HIRA: variants seen among roughly 807,000 people sequenced by gnomAD.
The protein encoded by HIRA is histone cell cycle regulator, also known as protein HIRA.
A neutral mutation model predicts 126.6 loss-of-function variants in HIRA; 13 were observed. The ratio of observed to expected loss-of-function variants is 0.10; its 90% CI spans 0.07 to 0.16. The LOEUF (loss-of-function observed/expected upper bound fraction) is 0.16, where lower values mean the gene tolerates loss of function less well. Among genes scored for constraint, HIRA ranks in the 10% least tolerant of loss-of-function variants. The pLI, the probability that HIRA is intolerant of heterozygous loss-of-function variation, is 1.00. For missense variants in HIRA, 834 were observed against 1,314.4 expected, an observed-to-expected ratio of 0.63 and a Z score of 5.65; for synonymous variants, 511 against 520.0, an observed-to-expected ratio of 0.98 and a Z score of 0.24.
intron 15 of HIRA, among the ~76,000 whole-genome samples, chr22:19,369,707 G>A (rs1332021862): frequency 1.3e-5 from 2 of 152,072 alleles, no homozygotes; most frequent in Non-Finnish European, 2.9e-5. Context: ...CGAGGTGGGC[G>A]CATCACTTGA....
At chr22:19,347,957 A>G (rs779302568) in intron 24 of HIRA, among the ~76,000 whole-genome samples, 41 of 152,058 alleles carry the variant, frequency 2.7e-4, no homozygotes, top group South Asian at 6.2e-4. Flanking sequence ...CAAACAAAAC[A>G]AACAAACAAC....
chr22:19,364,085 C>T (rs534714031), intron 15 of HIRA, among the ~76,000 whole-genome samples: 5 of 151,576 alleles, frequency 3.3e-5, no homozygotes, highest in Admixed American at 1.3e-4. Context: ...GTTGGGGAGG[C>T]GGGCATGTGG....
At chr22:19,393,184 T>A (rs1028931411) in intron 8 of HIRA, among the ~76,000 whole-genome samples, 1 of 152,146 alleles carries the variant, frequency 6.6e-6, no homozygotes, top group African/African-American at 2.4e-5. Flanking sequence ...GAGGACTGCA[T>A]GGGAGAATCA....
At chr22:19,401,505 T>C (rs1255821678) in intron 5 of HIRA, among the ~76,000 whole-genome samples, 10 of 152,134 alleles carry the variant, frequency 6.6e-5, no homozygotes. Flanking sequence ...GATTCATATT[T>C]CCAAATGTCT....
In HIRA at chr22:19,398,059, G is replaced by A. The variant is rs910152734; in HGVS notation, c.426C>T (p.His142=). The A allele has an allele frequency of 1.1e-5, 18 of 1,613,922 alleles. No individual in the cohort carries two copies. Among genetic ancestry groups the A allele is most frequent in the Middle Eastern group, 1.6e-4 (1 of 6,082 alleles). Reference sequence around the variant, plus strand: ...CGCTGCATGAGGCTAGCCAGGCATCGTGGGGAGACCATGCTACATCCATCA... The same window carrying A: ...CGCTGCATGAGGCTAGCCAGGCATCATGGGGAGACCATGCTACATCCATCA... ...GDVMDVAWSP[H]DAWLASCSVD... Residue 142 remains histidine (H), a synonymous_variant, in exon 6 of 25, where the codon CAC becomes CAT. Transcript: ENST00000263208.
chr22:19,377,262 G>C (rs2089028479), intron 14 of HIRA, among the ~76,000 whole-genome samples: 1 of 152,194 alleles, frequency 6.6e-6, no homozygotes. Flanking sequence ...TGAGGATGAG[G>C]ACCCACCCAT....
At chr22:19,417,057 A>C (rs1034975733) in intron 1 of HIRA, among the ~76,000 whole-genome samples, 32 of 151,120 alleles carry the variant, frequency 2.1e-4, no homozygotes, top group African/African-American at 7.5e-4. Context: ...AAAATTAGCC[A>C]AGCGTGGTGG....
At chr22:19,340,786 A>G (rs2088619146) in intron 24 of HIRA, among the ~76,000 whole-genome samples, 1 of 152,178 alleles carries the variant, frequency 6.6e-6, no homozygotes, top group African/African-American at 2.4e-5. Flanking sequence ...AAATAAAATA[A>G]AATACTTCGG....
chr22:19,366,712 T>C (rs1285240836), intron 15 of HIRA, among the ~76,000 whole-genome samples: 1 of 152,240 alleles, frequency 6.6e-6, no homozygotes, highest in Admixed American at 6.5e-5. Flanking sequence ...TTTCTTAAGA[T>C]GGAATCTCCT....
intron 8 of HIRA, 61 bp from the exon 9 acceptor site, chr22:19,392,275 C>A: frequency 9.8e-7 from 1 of 1,024,984 alleles, no homozygotes. Flanking sequence ...TCCCCTGTGC[C>A]CAAGTCCCAG....
rs753278771 is a variant in HIRA at position 19,398,110 on chromosome 22, G to A, written c.398-23C>T. 4.4e-6 allele frequency: 7 copies of A among 1,580,994 alleles called. No homozygotes were observed. In the South Asian group the frequency reaches 6.7e-5, roughly 15 times the overall value. On this transcript the variant is annotated intron_variant, in intron 5 of 24. Transcript: ENST00000263208. Reference sequence around the variant, plus strand: ...CATCTGAAAGAAGACAGAGGGTTCTGGTGAGATCTCTTACCTGGTGATGCC... The same window carrying A: ...CATCTGAAAGAAGACAGAGGGTTCTAGTGAGATCTCTTACCTGGTGATGCC...
chr22:19,379,816 G>GC (rs1377653573), intron 13 of HIRA, among the ~76,000 whole-genome samples: 3 of 151,680 alleles, frequency 2.0e-5, no homozygotes, highest in African/African-American at 7.3e-5. Flanking sequence ...ACTATTTATG[G>GC]CCTTTTTTTT....
chr22:19,351,162 G>A lies in HIRA; in HGVS notation c.2937+196C>T. The A allele has an allele frequency of 6.1e-6, 6 of 985,390 alleles. No individual in the cohort carries two copies. The highest frequency in any genetic ancestry group is 7.2e-6 in the Non-Finnish European group (6 of 829,932). The allele number at this position is 985,390 out of a possible 1,614,324, so 61.0% of individuals were successfully genotyped here. Reference sequence around the variant, plus strand: ...CGTGGCGGAGCACTCCGTGGCTCCTGATGTCCAGGGCCCAGCTCCTGCCAG... The same window carrying A: ...CGTGGCGGAGCACTCCGTGGCTCCTAATGTCCAGGGCCCAGCTCCTGCCAG... On this transcript the variant is annotated intron_variant, in intron 24 of 24. Transcript: ENST00000263208. This position sits in a 1 kb window ranked among gnomAD's most constrained non-coding sequence, Gnocchi z 4.8.
chr22:19,361,015 A>G (rs1047320539), intron 17 of HIRA, among the ~76,000 whole-genome samples: 1 of 152,224 alleles, frequency 6.6e-6, no homozygotes, highest in African/African-American at 2.4e-5. Flanking sequence ...TGGAATCCCA[A>G]GGGCAAAGCC....
rs782448053 is a variant in HIRA, at chr22:19,353,575, G to T, written c.2685-56C>A. ...GGCAGCAGGCACTACACAGAGTCAG[G>T]AACTGCCCCCGTGTGCAACAGGCAA... is the stretch of plus-strand genomic sequence containing the variant. On this transcript the variant is annotated intron_variant, in intron 22 of 24. Coordinates refer to ENST00000263208, the MANE Select transcript of HIRA (RefSeq NM_003325.4). 154 of 1,508,744 alleles carry T rather than the reference G, an allele frequency of 1.0e-4. 1 individual carries two copies. Among genetic ancestry groups the T allele is most frequent in the Non-Finnish European group, 1.3e-4 (152 of 1,128,356 alleles). The allele number at this position is 1,508,744 out of a possible 1,614,324, so 93.5% of individuals were successfully genotyped here. A position where few individuals can be genotyped will look rare whatever the true frequency, so the allele number is the denominator to read the frequency against.
chr22:19,392,247 A>G (rs759527702), intron 8 of HIRA, 33 bp from the exon 9 acceptor site: 3 of 1,395,566 alleles, frequency 2.1e-6, no homozygotes, highest in Non-Finnish European at 3.0e-6. Flanking sequence ...AAAAATAATT[A>G]ATCAAGCATC....
intron 5 of HIRA, among the ~76,000 whole-genome samples, chr22:19,400,191 A>C (rs963317914): frequency 6.6e-6 from 1 of 152,144 alleles, no homozygotes; most frequent in African/African-American, 2.4e-5. Context: ...GATTTCTTCT[A>C]TTGCCTTGTT....
intron 24 of HIRA, among the ~76,000 whole-genome samples, chr22:19,335,889 TAG>T (rs1434678262): frequency 6.6e-6 from 1 of 152,224 alleles, no homozygotes; most frequent in Non-Finnish European, 1.5e-5. Context: ...GGCATTTGAT[TAG>T]AGAGGCATTG....
chr22:19,366,429 GA>G (rs2088914105), intron 15 of HIRA, among the ~76,000 whole-genome samples: 1 of 152,222 alleles, frequency 6.6e-6, no homozygotes, highest in Admixed American at 6.5e-5. Flanking sequence ...AAGTAATCTG[GA>G]AAGTATTCAC....
Sources: gnomAD v4.1 joint callset for allele counts (sites outside exome capture counted in the v4.1 genomes callset) on GRCh38, gnomAD v4.1.1 for gene constraint, Gnocchi (gnomAD v3.1) non-coding constraint, MANE v1.5 for transcripts, NCBI Gene and HGNC (gene_info 2026-07-23, HGNC 2026-07-21) for gene names.